NKAIN2: variants seen among roughly 807,000 people sequenced by gnomAD.
NKAIN2 encodes sodium/potassium transporting ATPase interacting 2.
A neutral mutation model predicts 32.6 loss-of-function variants in NKAIN2; 14 were observed. The ratio of observed to expected loss-of-function variants is 0.43; its 90% confidence interval spans 0.28 to 0.67. The LOEUF (loss-of-function observed/expected upper bound fraction) is 0.67. Ranked by LOEUF, NKAIN2 falls within the 30% of genes least tolerant of loss-of-function variation. The probability of loss-of-function intolerance (pLI) is 0.17; values close to 1 mark genes in which losing one functional copy is unlikely to be tolerated. For missense variants in NKAIN2, 198 were observed against 258.3 expected (o/e 0.77, Z 1.60); for synonymous variants, 80 against 87.2 (o/e 0.92, Z 0.46).
chr6:124,346,933 T>A (rs1798453609), intron 2 of NKAIN2, among the ~76,000 whole-genome samples: 1 of 152,188 alleles, frequency 6.6e-6, no homozygotes, highest in Non-Finnish European at 1.5e-5. Context: ...CTAGTCTCAA[T>A]GGTCTTTACA....
At chr6:124,729,818 T>G (rs1776564130) in intron 4 of NKAIN2, among the ~76,000 whole-genome samples, 1 of 151,958 alleles carries the variant, frequency 6.6e-6, no homozygotes, top group Non-Finnish European at 1.5e-5. Context: ...CCCCATTGTC[T>G]CAGCCTAAAA....
At chr6:123,884,922 A>G (rs1236840493) in intron 1 of NKAIN2, among the ~76,000 whole-genome samples, 2 of 152,152 alleles carry the variant, frequency 1.3e-5, no homozygotes, top group Non-Finnish European at 2.9e-5. Flanking sequence ...TAGTAAATAT[A>G]GCTAATTCTG....
chr6:124,115,553 A>C (rs554147065), intron 1 of NKAIN2, among the ~76,000 whole-genome samples: 1 of 152,250 alleles, frequency 6.6e-6, no homozygotes, highest in African/African-American at 2.4e-5. Context: ...CTTGAGCAGT[A>C]GTGACAGGAG....
intron 1 of NKAIN2, among the ~76,000 whole-genome samples, chr6:124,074,188 C>T (rs1464449727): frequency 6.6e-6 from 1 of 152,124 alleles, no homozygotes; most frequent in Non-Finnish European, 1.5e-5. Context: ...TGTTGCCCAC[C>T]AGGAAAGCTC....
At position 124,474,991 on chromosome 6, in the gene NKAIN2, A is replaced by T. The variant is rs538737368; in HGVS notation, c.273+119644A>T. 1.5e-3 allele frequency among the ~76,000 whole-genome samples: 227 copies of T among 150,120 alleles called. 2 individuals are homozygous for T. The highest frequency in any genetic ancestry group is 5.3e-3 in the African/African-American group (217 of 41,064). On this transcript the variant is annotated intron_variant, in intron 3 of 6. Transcript: ENST00000368417. ...TATAGACACGCATGCATATATATAT[A>T]TGTATATAATTTTCTCATGAGTAGA... is the stretch of plus-strand genomic sequence containing the variant.
At chr6:124,369,978 T>G (rs1439727813) in intron 3 of NKAIN2, among the ~76,000 whole-genome samples, 1 of 145,842 alleles carries the variant, frequency 6.9e-6, no homozygotes, top group African/African-American at 2.6e-5. Context: ...TCAAGGGATA[T>G]TAAATAGCAA....
chr6:124,368,526 C>T (rs1799618205), intron 3 of NKAIN2, among the ~76,000 whole-genome samples: 1 of 152,064 alleles, frequency 6.6e-6, no homozygotes, highest in Non-Finnish European at 1.5e-5. Context: ...GAAAGAGGGT[C>T]CTTCCAAACA....
At chr6:124,736,171 G>A (rs1205131614) in intron 4 of NKAIN2, among the ~76,000 whole-genome samples, 1 of 151,954 alleles carries the variant, frequency 6.6e-6, no homozygotes, top group Non-Finnish European at 1.5e-5. Context: ...CAGATATTGA[G>A]TGGTCAGGAT....
intron 6 of NKAIN2, chr6:124,819,194 TA>T: frequency 1.4e-6 from 1 of 704,264 alleles, no homozygotes; most frequent in Non-Finnish European, 1.7e-6. Context: ...CAATTCATTT[TA>T]AAATGTGAAC....
intron 1 of NKAIN2, among the ~76,000 whole-genome samples, chr6:124,037,680 T>C (rs1027795334): frequency 2.6e-5 from 4 of 152,138 alleles, no homozygotes; most frequent in African/African-American, 9.6e-5. Context: ...GGGTGCCATG[T>C]TATAATAACA....
At chr6:124,093,835 A>G (rs1431011105) in intron 1 of NKAIN2, among the ~76,000 whole-genome samples, 1 of 151,092 alleles carries the variant, frequency 6.6e-6, no homozygotes, top group African/African-American at 2.4e-5. Flanking sequence ...AGGGCATCTC[A>G]TGGAGCACAT....
intron 3 of NKAIN2, among the ~76,000 whole-genome samples, chr6:124,474,286 A>G (rs1777097099): frequency 1.3e-5 from 2 of 152,126 alleles, no homozygotes; most frequent in African/African-American, 2.4e-5. Context: ...TAAGTTTTTT[A>G]TCACAAAGAA....
chr6:124,621,327 CTT>C (rs1440086503), intron 3 of NKAIN2, among the ~76,000 whole-genome samples: 2 of 152,200 alleles, frequency 1.3e-5, no homozygotes, highest in Non-Finnish European at 2.9e-5. Flanking sequence ...TATCAAGACA[CTT>C]TGGGTTAACT....
At chr6:124,463,157 T>C (rs1776601098) in intron 3 of NKAIN2, among the ~76,000 whole-genome samples, 1 of 152,066 alleles carries the variant, frequency 6.6e-6, no homozygotes, top group Non-Finnish European at 1.5e-5. Flanking sequence ...AAACTAAGTG[T>C]GTGTGTGTAT....
intron 3 of NKAIN2, among the ~76,000 whole-genome samples, chr6:124,360,900 GC>G (rs1302404890): frequency 6.6e-6 from 1 of 152,140 alleles, no homozygotes; most frequent in Non-Finnish European, 1.5e-5. Context: ...GTTTGAAATT[GC>G]CTTTGGGCAT....
chr6:124,507,986 C>T (rs1583355996), intron 3 of NKAIN2, among the ~76,000 whole-genome samples: 1 of 152,182 alleles, frequency 6.6e-6, no homozygotes, highest in African/African-American at 2.4e-5. Flanking sequence ...GGCACAATAG[C>T]TTACGCCTGT....
At chr6:124,038,040 C>A (rs945375759) in intron 1 of NKAIN2, among the ~76,000 whole-genome samples, 1 of 152,084 alleles carries the variant, frequency 6.6e-6, no homozygotes, top group African/African-American at 2.4e-5. Flanking sequence ...CGTAAGTTGT[C>A]TGGTGAGGGC....
chr6:123,903,716 C>A (rs1489554639), intron 1 of NKAIN2, among the ~76,000 whole-genome samples: 1 of 152,086 alleles, frequency 6.6e-6, no homozygotes. Context: ...TAATTATCTT[C>A]TTATTTTGGA....
chr6:124,555,713 C>CA (rs1313011057), intron 3 of NKAIN2, among the ~76,000 whole-genome samples: 2 of 152,048 alleles, frequency 1.3e-5, no homozygotes, highest in African/African-American at 2.4e-5. Context: ...CAGTAAAATA[C>CA]AAAAAATATA....
Sources: allele counts gnomAD v4.1 joint callset (sites outside exome capture counted in the v4.1 genomes callset), GRCh38; gene constraint gnomAD v4.1.1; transcripts MANE v1.5; gene names NCBI Gene and HGNC (gene_info 2026-07-23, HGNC 2026-07-21).